FGF14: variants seen among roughly 807,000 people sequenced by gnomAD.
FGF14 encodes the protein fibroblast growth factor 14, also known as fibroblast growth factor homologous factor 4.
A neutral mutation model predicts 25.5 loss-of-function variants in FGF14; 5 were observed. The observed-to-expected ratio is 0.20, with a 90% CI of 0.10 to 0.41. The LOEUF (loss-of-function observed/expected upper bound fraction) is 0.41. Among genes scored for constraint, FGF14 ranks in the 10% least tolerant of loss-of-function variants. The pLI, the probability that FGF14 is intolerant of heterozygous loss-of-function variation, is 1.00. For synonymous variants in FGF14, 138 were observed against 118.3 expected (o/e 1.17, Z -1.08); for missense variants, 222 against 320.1 (o/e 0.69, Z 2.34).
chr13:102,037,063 A>G (rs1200926230), intron 1 of FGF14, among the ~76,000 whole-genome samples: 2 of 152,126 alleles, frequency 1.3e-5, no homozygotes, highest in Non-Finnish European at 2.9e-5. Context: ...CAATTGGGGA[A>G]AATTATCTCT....
At chr13:101,758,415 G>A (rs1346642302) in intron 3 of FGF14, among the ~76,000 whole-genome samples, 1 of 152,148 alleles carries the variant, frequency 6.6e-6, no homozygotes, top group Non-Finnish European at 1.5e-5. Context: ...ACCACACTTT[G>A]TAAATCACTG....
chr13:102,345,942 C>T (rs1378393528), intron 1 of FGF14, among the ~76,000 whole-genome samples: 3 of 152,070 alleles, frequency 2.0e-5, no homozygotes, highest in Non-Finnish European at 4.4e-5. Context: ...GTATTCATAT[C>T]CCTAGGACAA....
At chr13:102,217,665 G>T (rs906654095) in intron 1 of FGF14, among the ~76,000 whole-genome samples, 1 of 152,148 alleles carries the variant, frequency 6.6e-6, no homozygotes, top group Non-Finnish European at 1.5e-5. Flanking sequence ...GAAAGAAGAT[G>T]TTGACTCAGA....
chr13:101,824,269 C>T (rs910913426), intron 3 of FGF14, among the ~76,000 whole-genome samples: 2 of 151,998 alleles, frequency 1.3e-5, no homozygotes, highest in African/African-American at 4.8e-5. Context: ...TGCCTTTAGA[C>T]ATTGTTATTT....
intron 3 of FGF14, among the ~76,000 whole-genome samples, chr13:101,755,409 C>CAGG (rs60500852): frequency 0.76 from 114,805 of 151,640 alleles, 43,663 homozygotes; most frequent in East Asian, 0.96. Context: ...GAGGCTGAAT[C>CAGG]AGGATTGCTT....
At position 102,320,771 on chromosome 13, in the gene FGF14, T is replaced by C. The variant is rs370276931; in HGVS notation, c.208+80700A>G. Among the ~76,000 whole-genome samples, 249 of 152,304 alleles carry C rather than the reference T, an allele frequency of 1.6e-3. 1 individual carries two copies. The highest frequency in any genetic ancestry group is 5.6e-3 in the African/African-American group (233 of 41,570). On this transcript the variant is annotated intron_variant, in intron 1 of 4. Coordinates refer to the FGF14 transcript ENST00000376131. Reference sequence around the variant, plus strand: ...TTGAATGGGGCTAAAGATGTGCATGTTATGCCAAAAGCTGAAAAAATAGCA... The same window carrying C: ...TTGAATGGGGCTAAAGATGTGCATGCTATGCCAAAAGCTGAAAAAATAGCA...
At chr13:102,333,229 C>T (rs955506076) in intron 1 of FGF14, among the ~76,000 whole-genome samples, 1 of 152,124 alleles carries the variant, frequency 6.6e-6, no homozygotes, top group African/African-American at 2.4e-5. Flanking sequence ...CTACCTTAAC[C>T]CAACGTGGCT....
intron 3 of FGF14, among the ~76,000 whole-genome samples, chr13:101,859,964 T>A (rs76772074): frequency 0.03 from 4,547 of 152,142 alleles, 227 homozygotes; most frequent in African/African-American, 0.1. Context: ...TGTTTTTTTT[T>A]AATCTAAAAA....
rs2052892257 is a variant in FGF14 at position 102,264,606 on chromosome 13, T to A, written c.208+136865A>T. ...TTTGAGTAGGGATTTTATAAAGGAA[T>A]TATTTACGAGTCTTTACAGGTTGTA... On this transcript the variant is annotated intron_variant, in intron 1 of 4. Coordinates refer to the FGF14 transcript ENST00000376131. Among the ~76,000 whole-genome samples, 3 of 150,910 alleles carry A rather than the reference T, an allele frequency of 2.0e-5. No homozygotes were observed. The South Asian group carries it at 6.3e-4, about 32-fold the overall frequency.
chr13:101,790,968 C>G (rs576994253), intron 3 of FGF14, among the ~76,000 whole-genome samples: 65 of 152,282 alleles, frequency 4.3e-4, no homozygotes, highest in African/African-American at 1.4e-3. Context: ...AAAGTGCATG[C>G]TGTGTTTTCT....
intron 1 of FGF14, among the ~76,000 whole-genome samples, chr13:101,960,369 C>A (rs1394448534): frequency 6.6e-6 from 1 of 152,164 alleles, no homozygotes; most frequent in Non-Finnish European, 1.5e-5. Flanking sequence ...CATACTCCAC[C>A]TGACAGGCCC....
intron 1 of FGF14, among the ~76,000 whole-genome samples, chr13:102,056,220 CA>C (rs1378148549): frequency 6.6e-6 from 1 of 152,178 alleles, no homozygotes; most frequent in East Asian, 1.9e-4. Context: ...CCCAGAAAGA[CA>C]AAGCTATTTG....
At chr13:102,307,395 A>T (rs926347560) in intron 1 of FGF14, among the ~76,000 whole-genome samples, 9 of 152,136 alleles carry the variant, frequency 5.9e-5, no homozygotes, top group African/African-American at 2.2e-4. Flanking sequence ...ATCTGTGGGA[A>T]TTTGTTACAG....
intron 2 of FGF14, among the ~76,000 whole-genome samples, chr13:101,873,014 A>G (rs1454372258): frequency 6.6e-6 from 1 of 150,718 alleles, no homozygotes; most frequent in African/African-American, 2.5e-5. Flanking sequence ...TGCTCCTTCT[A>G]CTGCAGATAC....
intron 1 of FGF14, among the ~76,000 whole-genome samples, chr13:102,148,746 G>A (rs979787329): frequency 2.6e-5 from 4 of 152,082 alleles, no homozygotes; most frequent in African/African-American, 7.2e-5. Context: ...AGCCGAGATC[G>A]CACCACTGCA....
intron 3 of FGF14, among the ~76,000 whole-genome samples, chr13:101,843,397 G>T (rs548118990): frequency 6.6e-6 from 1 of 152,010 alleles, no homozygotes; most frequent in African/African-American, 2.4e-5. Flanking sequence ...GGGATCCACA[G>T]AGCTGAGTCT....
intron 1 of FGF14, among the ~76,000 whole-genome samples, chr13:102,214,218 C>T (rs1344127411): frequency 1.3e-5 from 2 of 152,212 alleles, no homozygotes; most frequent in African/African-American, 4.8e-5. Context: ...GATCCTTTCA[C>T]TCTCTGGACT....
intron 1 of FGF14, among the ~76,000 whole-genome samples, chr13:102,191,418 T>C (rs918556775): frequency 6.6e-6 from 1 of 152,182 alleles, no homozygotes; most frequent in African/African-American, 2.4e-5. Context: ...AGCCTCTTTT[T>C]CAGGCTTCTT....
intron 1 of FGF14, among the ~76,000 whole-genome samples, chr13:102,132,306 C>G (rs891249063): frequency 6.6e-6 from 1 of 152,054 alleles, no homozygotes; most frequent in East Asian, 1.9e-4. Context: ...TATTTTCTAC[C>G]ACAGTACTAC....
Sources: gnomAD v4.1 joint callset for allele counts (sites outside exome capture counted in the v4.1 genomes callset) on GRCh38, gnomAD v4.1.1 for gene constraint, MANE v1.5 for transcripts, NCBI Gene and HGNC (gene_info 2026-07-23, HGNC 2026-07-21) for gene names.